ARPC1A: variants seen among roughly 807,000 people sequenced by gnomAD.
ARPC1A encodes the protein actin related protein 2/3 complex subunit 1A, also known as actin-related protein 2/3 complex subunit 1A.
A neutral mutation model predicts 46.9 loss-of-function variants in ARPC1A; 8 were observed. The ratio of observed to expected loss-of-function variants is 0.17; its 90% confidence interval spans 0.10 to 0.31. The LOEUF (loss-of-function observed/expected upper bound fraction) is 0.31. Ranked by LOEUF, ARPC1A falls within the 10% of genes least tolerant of loss-of-function variation. The pLI, the probability that ARPC1A is intolerant of heterozygous loss-of-function variation, is 1.00. For missense variants in ARPC1A, 286 were observed against 483.6 expected, an observed-to-expected ratio of 0.59 and a Z score of 3.83; for synonymous variants, 152 against 169.0, an observed-to-expected ratio of 0.90 and a Z score of 0.78.
chr7:99,365,708 G>T (rs1465682563), intron 9 of ARPC1A, among the ~76,000 whole-genome samples, 183 bp from the exon 10 acceptor site: 1 of 152,146 alleles, frequency 6.6e-6, no homozygotes, highest in African/African-American at 2.4e-5. Flanking sequence ...GAGCCAGCAG[G>T]GGGAGCCCCG....
chr7:99,348,792 G>T, intron 4 of ARPC1A, 60 bp from the exon 5 acceptor site: 1 of 1,376,140 alleles, frequency 7.3e-7, no homozygotes, highest in Non-Finnish European at 1.0e-6. Context: ...ACATACATTT[G>T]TAGGTCATTT....
intron 4 of ARPC1A, among the ~76,000 whole-genome samples, chr7:99,344,861 TTTC>T (rs1223980841): frequency 7.4e-6 from 1 of 135,806 alleles, no homozygotes; most frequent in Non-Finnish European, 1.5e-5. Context: ...AGGAATATTT[TTTC>T]TTTTTTTTTT....
At chr7:99,348,819 T>C (rs781024314) in intron 4 of ARPC1A, 33 bp from the exon 5 acceptor site, 2 of 1,573,990 alleles carry the variant, frequency 1.3e-6, no homozygotes, top group Non-Finnish European at 1.7e-6. Context: ...GCTGGTTGAG[T>C]GGATAAACTG....
chr7:99,351,380 A>ATT (rs1182082808), intron 5 of ARPC1A, among the ~76,000 whole-genome samples: 1 of 147,096 alleles, frequency 6.8e-6, no homozygotes, highest in Non-Finnish European at 1.5e-5. Flanking sequence ...TGCCTGGCTA[A>ATT]TTTTTTTTTT....
chr7:99,357,443 C>G (rs1461716413), intron 6 of ARPC1A, among the ~76,000 whole-genome samples: 1 of 151,772 alleles, frequency 6.6e-6, no homozygotes, highest in African/African-American at 2.4e-5. Flanking sequence ...ACCTCAGCCT[C>G]TCAAGCAGCT....
At chr7:99,336,009 C>A (rs1793244939) in intron 2 of ARPC1A, among the ~76,000 whole-genome samples, 2 of 151,744 alleles carry the variant, frequency 1.3e-5, no homozygotes, top group Admixed American at 6.6e-5. Flanking sequence ...TATAACCTAG[C>A]AGGACAGTGA....
chr7:99,338,479 G>A (rs1450307516), intron 3 of ARPC1A, among the ~76,000 whole-genome samples, 194 bp downstream of exon 3: 5 of 140,298 alleles, frequency 3.6e-5, no homozygotes, highest in Admixed American at 3.1e-4. Context: ...TCCACCTCCC[G>A]GGTTCAAGTA....
At chr7:99,347,497 G>T (rs1451982396) in intron 4 of ARPC1A, among the ~76,000 whole-genome samples, 1 of 151,950 alleles carries the variant, frequency 6.6e-6, no homozygotes, top group Admixed American at 6.6e-5. Flanking sequence ...CTGAGACCAG[G>T]AGTTTGAGAC....
At chr7:99,351,610 G>C (rs748326883) in intron 5 of ARPC1A, among the ~76,000 whole-genome samples, 22 of 152,176 alleles carry the variant, frequency 1.4e-4, no homozygotes, top group Non-Finnish European at 2.9e-4. Context: ...GACTAAAGCA[G>C]CCGCTGTCAT....
At chr7:99,358,480 T>C in intron 7 of ARPC1A, 65 bp downstream of exon 7, 2 of 1,428,532 alleles carry the variant, frequency 1.4e-6, no homozygotes, top group Non-Finnish European at 2.0e-6. Context: ...GGGAACAATG[T>C]GTGCTCTGTC....
chr7:99,349,393 C>T (rs974500186), intron 5 of ARPC1A, among the ~76,000 whole-genome samples: 3 of 151,818 alleles, frequency 2.0e-5, no homozygotes, highest in Non-Finnish European at 4.4e-5. Context: ...CAAGGTACTG[C>T]GCTAGGCACT....
chr7:99,361,348 T>G (rs1793736826), intron 8 of ARPC1A, among the ~76,000 whole-genome samples: 1 of 151,924 alleles, frequency 6.6e-6, no homozygotes. Context: ...ACAAAAAAAT[T>G]TTTAAGTTAG....
chr7:99,344,982 A>G (rs1270630168), intron 4 of ARPC1A, among the ~76,000 whole-genome samples: 4 of 109,252 alleles, frequency 3.7e-5, no homozygotes, highest in African/African-American at 1.5e-4. Context: ...CCCAGGCTGG[A>G]TGGAGCGCAG....
chr7:99,359,580 T>C lies in ARPC1A; in HGVS notation c.825T>C (p.Asp275=), dbSNP rs1793704198. 6.2e-7 allele frequency: 1 copy of C among 1,614,140 alleles called. No individual in the cohort carries two copies. The highest frequency in any genetic ancestry group is 1.3e-5 in the African/African-American group (1 of 75,036). The change falls in exon 8 of 10, where the codon GAT becomes GAC. Residue 275 remains aspartate (D), a synonymous_variant. Coordinates refer to ENST00000262942, the MANE Select transcript of ARPC1A (RefSeq NM_006409.4). ...HDCCPMLFNY[D]DRGCLTFVSK... is the part of the protein sequence containing the mutation. ...GCTGCCCAATGCTCTTTAACTACGA[T>C]GACCGCGGCTGCCTGACCTTCGTCT...
intron 3 of ARPC1A, among the ~76,000 whole-genome samples, chr7:99,341,107 G>A (rs1793350346): frequency 6.6e-6 from 1 of 151,996 alleles, no homozygotes. Context: ...TCGGGAGTTT[G>A]AGACCAACCT....
rs1190668163 is a variant in ARPC1A, at chr7:99,348,948, C to T, written c.489C>T (p.Asp163=). 6.2e-7 allele frequency: 1 copy of T among 1,613,772 alleles called. No individual in the cohort carries two copies. The highest frequency in any genetic ancestry group is 8.5e-7 in the Non-Finnish European group (1 of 1,179,688). Residue 163 remains aspartate (D), a synonymous_variant, in exon 5 of 10, where the codon GAC becomes GAT. Transcript: ENST00000262942. ...TTTTGCTGGCAGCAGGATCATGTGACTTCAAATGCAGGTGGGAACCAGTGA... is the reference window on the plus strand; with the variant it reads ...TTTTGCTGGCAGCAGGATCATGTGATTTCAAATGCAGGTGGGAACCAGTGA... ...NNVLLAAGSC[D]FKCRVFSAYI...
intron 5 of ARPC1A, among the ~76,000 whole-genome samples, chr7:99,351,097 T>G (rs1793537301): frequency 6.6e-6 from 1 of 152,088 alleles, no homozygotes; most frequent in South Asian, 2.1e-4. Context: ...GTCAAGGCAC[T>G]TTATATTCTG....
At chr7:99,329,157 C>T (rs1449790935) in intron 1 of ARPC1A, among the ~76,000 whole-genome samples, 8 of 151,498 alleles carry the variant, frequency 5.3e-5, no homozygotes, top group Non-Finnish European at 1.2e-4. Context: ...AAAAATTGGC[C>T]GGGTGTGGTG....
intron 1 of ARPC1A, 70 bp from the exon 2 acceptor site, chr7:99,333,255 G>A (rs1346541740): frequency 1.1e-6 from 1 of 946,092 alleles, no homozygotes; most frequent in African/African-American, 1.7e-5. Flanking sequence ...AAGATCCTCA[G>A]GCAACTTAAA....
Sources: allele counts gnomAD v4.1 joint callset (sites outside exome capture counted in the v4.1 genomes callset), GRCh38; gene constraint gnomAD v4.1.1; transcripts MANE v1.5; gene names NCBI Gene and HGNC (gene_info 2026-07-23, HGNC 2026-07-21).